TMEM177: variants seen among roughly 807,000 people sequenced by gnomAD.
TMEM177 encodes the protein transmembrane protein 177.
A neutral mutation model predicts 14.2 loss-of-function variants in TMEM177; 4 were observed. The observed-to-expected ratio is 0.28, with a 90% CI of 0.14 to 0.64. The LOEUF is 0.64. Among genes scored for constraint, TMEM177 ranks in the 30% least tolerant of loss-of-function variants. The pLI is 0.82. For synonymous variants in TMEM177, 179 were observed against 174.5 expected, an observed-to-expected ratio of 1.03 and a Z score of -0.20; for missense variants, 344 against 405.2, an observed-to-expected ratio of 0.85 and a Z score of 1.30.
rs1225941682 is a variant in TMEM177, at chr2:119,681,278, C to T, written c.425C>T (p.Ser142Phe). The change falls in exon 2 of 2, where the codon TCC (serine) becomes TTC (phenylalanine). Residue 142 changes from serine (S) to phenylalanine (F), a missense_variant. By Grantham distance (155) the Ser-to-Phe change is radical. Transcript: ENST00000272521. Reference sequence around the variant, plus strand: ...CCAGCAGGCGCCCGGCTGAGAGCTTCCCTGACCTTGTCCCGTGAAGCCCAG... The same window carrying T: ...CCAGCAGGCGCCCGGCTGAGAGCTTTCCTGACCTTGTCCCGTGAAGCCCAG... ...RSPAGARLRA[S>F]LTLSREAQKF... 13 of 1,614,152 alleles carry T rather than the reference C, an allele frequency of 8.1e-6. No individual in the cohort carries two copies. Among genetic ancestry groups the T allele is most frequent in the African/African-American group, 1.3e-5 (1 of 74,960 alleles).
chr2:119,698,261 G>A, the TMEM177 span, among the ~76,000 whole-genome samples: 4 of 152,188 alleles, frequency 2.6e-5, no homozygotes, highest in African/African-American at 7.2e-5. Flanking sequence ...TTCCTAGGAA[G>A]GGGGTCAAAG....
chr2:119,690,748 G>A (rs950851312), downstream of TMEM177, among the ~76,000 whole-genome samples: 9 of 152,206 alleles, frequency 5.9e-5, no homozygotes, highest in African/African-American at 7.2e-5. Context: ...ACGCTGGCTC[G>A]CTAGTTAAGC....
intron 1 of TMEM177, 32 bp from the exon 2 acceptor site, chr2:119,680,800 A>G: frequency 6.4e-7 from 1 of 1,556,230 alleles, no homozygotes. Flanking sequence ...TGACCCAGGG[A>G]AACTGGCTGA....
Position 119,681,484 on chromosome 2 carries a change from G to C in TMEM177, c.631G>C (p.Ala211Pro). ...RAAFSLVAAV[A>P]GFVAYAFSQD... Reference sequence around the variant, plus strand: ...TGCCTTCAGCTTGGTGGCAGCAGTGGCAGGCTTTGTGGCCTACGCCTTCTC... The same window carrying C: ...TGCCTTCAGCTTGGTGGCAGCAGTGCCAGGCTTTGTGGCCTACGCCTTCTC... The change falls in exon 2 of 2, where the codon GCA becomes CCA. Residue 211 changes from alanine to proline, a missense_variant. Transcript: ENST00000272521. 1 of 1,613,438 alleles carries C rather than the reference G, an allele frequency of 6.2e-7. No homozygotes were observed. The highest frequency in any genetic ancestry group is 2.2e-5 in the East Asian group (1 of 44,870).
At chr2:119,716,460 G>A in the TMEM177 span, among the ~76,000 whole-genome samples, 1 of 152,178 alleles carries the variant, frequency 6.6e-6, no homozygotes, top group South Asian at 2.1e-4. Context: ...GTGGGTACGA[G>A]ACCAGCTGGC....
At chr2:119,704,165 C>CTAA in the TMEM177 span, among the ~76,000 whole-genome samples, 1 of 152,168 alleles carries the variant, frequency 6.6e-6, no homozygotes, top group Non-Finnish European at 1.5e-5. Flanking sequence ...AAAGCATGGT[C>CTAA]TAATAATGTC....
the TMEM177 span, among the ~76,000 whole-genome samples, chr2:119,704,791 C>A: frequency 6.6e-6 from 1 of 152,182 alleles, no homozygotes; most frequent in Non-Finnish European, 1.5e-5. Flanking sequence ...CTCAGCTCTA[C>A]CACTGTGTGA....
the TMEM177 span, among the ~76,000 whole-genome samples, chr2:119,713,353 C>T: frequency 6.6e-6 from 1 of 152,086 alleles, no homozygotes; most frequent in African/African-American, 2.4e-5. Context: ...TAGGTGTGAG[C>T]CTCTGTGCCT....
At chr2:119,694,958 G>A in the TMEM177 span, among the ~76,000 whole-genome samples, 1 of 152,206 alleles carries the variant, frequency 6.6e-6, no homozygotes, top group Non-Finnish European at 1.5e-5. Flanking sequence ...AAGCTAGAAG[G>A]ACGTGTGGAG....
At chr2:119,702,254 G>A in the TMEM177 span, among the ~76,000 whole-genome samples, 2 of 152,306 alleles carry the variant, frequency 1.3e-5, no homozygotes, top group East Asian at 3.9e-4. Context: ...GAGTCGGTTA[G>A]GTCTGATTTC....
chr2:119,683,932 C>G (rs1368459845), downstream of TMEM177, among the ~76,000 whole-genome samples: 1 of 135,160 alleles, frequency 7.4e-6, no homozygotes, highest in Non-Finnish European at 1.6e-5. Context: ...CACTGCATGA[C>G]TCACCCAGCA....
the TMEM177 span, among the ~76,000 whole-genome samples, chr2:119,710,497 GC>G: frequency 6.6e-6 from 1 of 152,150 alleles, no homozygotes; most frequent in South Asian, 2.1e-4. Context: ...TACCGGCATT[GC>G]CCCCAGGAGC....
chr2:119,682,597 G>T (rs1438129083), downstream of TMEM177, among the ~76,000 whole-genome samples: 1 of 152,140 alleles, frequency 6.6e-6, no homozygotes, highest in Non-Finnish European at 1.5e-5. Context: ...AGAGTCCCTG[G>T]ACCTGAGGGG....
the TMEM177 span, among the ~76,000 whole-genome samples, chr2:119,703,833 T>C: frequency 6.6e-6 from 1 of 152,186 alleles, no homozygotes; most frequent in African/African-American, 2.4e-5. Flanking sequence ...AGCCTCCCCT[T>C]GATCCTAAGG....
chr2:119,679,712 G>A (rs1167387313), intron 1 of TMEM177: 1 of 152,254 alleles, frequency 6.6e-6, no homozygotes, highest in African/African-American at 2.4e-5. Context: ...AAATAAACCA[G>A]TTGGACGGAA....
chr2:119,713,573 C>T, the TMEM177 span, among the ~76,000 whole-genome samples: 1 of 152,268 alleles, frequency 6.6e-6, no homozygotes, highest in Middle Eastern at 3.4e-3. Context: ...GGCATGATGG[C>T]TCAAGCTTAT....
At chr2:119,696,298 G>C in the TMEM177 span, among the ~76,000 whole-genome samples, 1 of 152,114 alleles carries the variant, frequency 6.6e-6, no homozygotes, top group African/African-American at 2.4e-5. Flanking sequence ...TCATTATTGA[G>C]GGTACTGTAA....
chr2:119,685,834 C>T (rs1312582354), downstream of TMEM177: 2 of 633,774 alleles, frequency 3.2e-6, no homozygotes, highest in Non-Finnish European at 5.7e-6. Context: ...CTGTGGACTC[C>T]ATAGCCCTTT....
the TMEM177 span, among the ~76,000 whole-genome samples, chr2:119,719,563 T>A: frequency 1.3e-5 from 2 of 152,182 alleles, no homozygotes; most frequent in Non-Finnish European, 2.9e-5. Flanking sequence ...AAGTTTTCCT[T>A]GTTGATGAAA....
Sources: allele counts gnomAD v4.1 joint callset (sites outside exome capture counted in the v4.1 genomes callset), GRCh38; gene constraint gnomAD v4.1.1; transcripts MANE v1.5; gene names NCBI Gene and HGNC (gene_info 2026-07-23, HGNC 2026-07-21).